The following AKT1 variants were observed in gnomAD, a reference collection of about 807,000 sequenced individuals.
AKT1 encodes the protein AKT serine/threonine kinase 1.
A neutral mutation model predicts 63.1 loss-of-function variants in AKT1; 21 were observed. The ratio of observed to expected loss-of-function variants is 0.33; its 90% CI spans 0.24 to 0.48. The LOEUF is 0.48. AKT1 is among the 20% of genes least tolerant of loss of function. The pLI is 0.99. For missense variants in AKT1, 382 were observed against 666.0 expected (o/e 0.57, Z 4.69); for synonymous variants, 257 against 253.1 (o/e 1.02, Z -0.15).
At chr14:104,774,658 G>T in intron 8 of AKT1, 1 of 480,644 alleles carries the variant, frequency 2.1e-6, no homozygotes, top group Admixed American at 3.8e-5. Context: ...GCAGGGCATG[G>T]GGAGCTGGGG....
chr14:104,792,654 G>A lies in AKT1; in HGVS notation c.-11C>T, dbSNP rs757729900. 1 of 1,609,434 alleles carries A rather than the reference G, an allele frequency of 6.2e-7. No homozygotes were observed. The highest frequency in any genetic ancestry group is 8.5e-7 in the Non-Finnish European group (1 of 1,179,860). On this transcript the variant is annotated 5_prime_UTR_variant, in exon 3 of 15. Coordinates refer to ENST00000649815, the MANE Select transcript of AKT1 (RefSeq NM_001382430.1). The stretch of plus-strand genomic sequence containing the variant: ...AGCCACGTCGCTCATGGTGCCCGAG[G>A]CTCCCGCGACGCTCACGCGCTCCTC...
chr14:104,774,278 C>A, intron 8 of AKT1: 1 of 474,334 alleles, frequency 2.1e-6, no homozygotes, highest in Non-Finnish European at 3.9e-6. Flanking sequence ...ACGCCACCAT[C>A]AGGCTGGGCC....
In AKT1 at chr14:104,787,291, T is replaced by C. The variant is rs556828451; in HGVS notation, c.46+5307A>G. Among the ~76,000 whole-genome samples the C allele has an allele frequency of 6.6e-5, 10 of 152,254 alleles. No homozygotes were observed. In the South Asian group the frequency reaches 2.1e-3, roughly 32 times the overall value. ...GCCTAGGGTTCGCCTAACAGCCCCATCCTGGCCTGGAGCCCCAGGGCCCTC... is the reference window on the plus strand; with the variant it reads ...GCCTAGGGTTCGCCTAACAGCCCCACCCTGGCCTGGAGCCCCAGGGCCCTC... On this transcript the variant is annotated intron_variant, in intron 3 of 14. Coordinates refer to ENST00000649815, the MANE Select transcript of AKT1 (RefSeq NM_001382430.1).
intron 3 of AKT1, among the ~76,000 whole-genome samples, chr14:104,787,277 G>A (rs189304310): frequency 1.3e-5 from 2 of 152,170 alleles, no homozygotes; most frequent in African/African-American, 4.8e-5. Context: ...CCTAGGGTTC[G>A]CCTAACAGCC....
Position 104,795,566 on chromosome 14 carries a change from G to C in AKT1, c.-340C>G, listed in dbSNP as rs1302740395. 1.4e-5 allele frequency: 2 copies of C among 145,890 alleles called. No homozygotes were observed. Among genetic ancestry groups the C allele is most frequent in the African/African-American group, 4.9e-5 (2 of 40,726 alleles). 9.0% of individuals were successfully genotyped at this position (145,890 alleles called of 1,614,324 possible). A position where few individuals can be genotyped will look rare whatever the true frequency, so the allele number is the denominator to read the frequency against. ...CGCCGCTCCGCATCCCCGCGGGCCG[G>C]CGCTGGGCGGGGCCGGGCTGGAGGC... is the stretch of plus-strand genomic sequence containing the variant. On this transcript the variant is annotated 5_prime_UTR_variant, in exon 1 of 15. Transcript: ENST00000649815. This position sits in a 1 kb window ranked among gnomAD's most constrained non-coding sequence, Gnocchi z 5.1.
chr14:104,776,948 CCT>C (rs1892751442), intron 4 of AKT1, 178 bp from the exon 5 acceptor site: 3 of 577,548 alleles, frequency 5.2e-6, no homozygotes, highest in Non-Finnish European at 9.2e-6. Context: ...GGCTAGGACC[CCT>C]GTTCCAGCTC....
intron 3 of AKT1, among the ~76,000 whole-genome samples, chr14:104,782,351 A>C (rs548752546): frequency 2.0e-5 from 3 of 152,020 alleles, no homozygotes; most frequent in Non-Finnish European, 4.4e-5. Flanking sequence ...CCTGAAACCC[A>C]TCTTATCCAC....
intron 4 of AKT1, among the ~76,000 whole-genome samples, chr14:104,779,789 C>T (rs1892932442): frequency 6.6e-6 from 1 of 150,916 alleles, no homozygotes; most frequent in Non-Finnish European, 1.5e-5. Flanking sequence ...TCGGAGACCC[C>T]TGCCCAGCCA....
intron 1 of AKT1, 148 bp from the exon 2 acceptor site, chr14:104,793,452 G>A (rs796604862): frequency 3.0e-5 from 6 of 200,772 alleles, no homozygotes; most frequent in African/African-American, 4.6e-5. Flanking sequence ...CGCCCCTGCC[G>A]GTCTGAATCT....
At chr14:104,773,743 G>C in intron 9 of AKT1, 163 bp from the exon 10 acceptor site, 9 of 1,253,374 alleles carry the variant, frequency 7.2e-6, no homozygotes, top group Non-Finnish European at 9.9e-6. Context: ...AACTCAGCAG[G>C]AACAAGTCAC....
chr14:104,782,173 C>T (rs1274375693), intron 3 of AKT1, among the ~76,000 whole-genome samples: 1 of 146,890 alleles, frequency 6.8e-6, no homozygotes, highest in Non-Finnish European at 1.5e-5. Flanking sequence ...CTGCATGCAG[C>T]CCACCCCACC....
chr14:104,779,226 C>T (rs905895177), intron 4 of AKT1, among the ~76,000 whole-genome samples: 1 of 152,238 alleles, frequency 6.6e-6, no homozygotes, highest in Non-Finnish European at 1.5e-5. Flanking sequence ...CGTCACATGT[C>T]TCTCATCTCT....
At position 104,769,781 on chromosome 14, in the gene AKT1, A is replaced by G. The variant is rs960235921; in HGVS notation, c.*560T>C. On this transcript the variant is annotated 3_prime_UTR_variant, in exon 15 of 15. Coordinates refer to ENST00000649815, the MANE Select transcript of AKT1 (RefSeq NM_001382430.1). ...TGGCCCATCCCCCATCCCTGGTCCC[A>G]TCCCAGGGGCCCAGCCTCCGATGAC... is the stretch of plus-strand genomic sequence containing the variant. 2.6e-6 allele frequency: 1 copy of G among 386,242 alleles called. No individual in the cohort carries two copies. The highest frequency in any genetic ancestry group is 4.4e-5 in the Admixed American group (1 of 22,652). The allele number at this position is 386,242 out of a possible 1,614,324, so 23.9% of individuals were successfully genotyped here.
intron 3 of AKT1, among the ~76,000 whole-genome samples, chr14:104,782,131 G>A (rs556777111): frequency 6.6e-6 from 1 of 152,060 alleles, no homozygotes; most frequent in Non-Finnish European, 1.5e-5. Flanking sequence ...GCAGGCAGGG[G>A]CGCTCAGTGA....
chr14:104,794,504 G>GCCTTTA (rs1288698534), intron 1 of AKT1: 1 of 152,260 alleles, frequency 6.6e-6, no homozygotes, highest in Non-Finnish European at 1.5e-5. Flanking sequence ...CCTGCCGCCT[G>GCCTTTA]CCTTTACCAT....
intron 4 of AKT1, chr14:104,777,380 GGGCACACGCACACCTGA>G (rs150595302): frequency 0.13 from 33,918 of 257,728 alleles, 3,173 homozygotes; most frequent in Admixed American, 0.18. Flanking sequence ...GCCACACCTG[GGGCACACGCACACCTGA>G]GGCACACACC....
chr14:104,783,306 C>T (rs1893164012), intron 3 of AKT1, among the ~76,000 whole-genome samples: 1 of 152,170 alleles, frequency 6.6e-6, no homozygotes, highest in South Asian at 2.1e-4. Flanking sequence ...TCAGATGCCC[C>T]CCACTCGAGG....
intron 3 of AKT1, among the ~76,000 whole-genome samples, chr14:104,782,693 C>A (rs1026237377): frequency 9.2e-5 from 14 of 152,192 alleles, no homozygotes; most frequent in African/African-American, 3.1e-4. Flanking sequence ...AGGGAACAGA[C>A]GGCGATCAGG....
At chr14:104,775,027 T>C in intron 7 of AKT1, 24 bp from the exon 8 acceptor site, 1 of 1,613,062 alleles carries the variant, frequency 6.2e-7, no homozygotes, top group Non-Finnish European at 8.5e-7. Context: ...CTGGGTGAGC[T>C]GCCACCCCGC....
Sources: allele counts gnomAD v4.1 joint callset (sites outside exome capture counted in the v4.1 genomes callset), GRCh38; gene constraint gnomAD v4.1.1; non-coding constraint Gnocchi (gnomAD v3.1); transcripts MANE v1.5; gene names NCBI Gene and HGNC (gene_info 2026-07-23, HGNC 2026-07-21).